The following SSBP2 variants were observed in gnomAD, a reference collection of about 807,000 sequenced individuals.
The protein encoded by SSBP2 is single-stranded DNA-binding protein 2.
Under a neutral mutation model 61.8 loss-of-function variants are expected in SSBP2, and 17 were observed. The ratio of observed to expected loss-of-function variants is 0.28; its 90% CI spans 0.19 to 0.41. The LOEUF (loss-of-function observed/expected upper bound fraction) is 0.41, where lower values mean the gene tolerates loss of function less well. Ranked by LOEUF, SSBP2 falls within the 10% of genes least tolerant of loss-of-function variation. SSBP2 has a pLI of 1.00. For synonymous variants in SSBP2, 139 were observed against 141.3 expected, an observed-to-expected ratio of 0.98 and a Z score of 0.12; for missense variants, 310 against 458.7, an observed-to-expected ratio of 0.68 and a Z score of 2.96.
intron 1 of SSBP2, among the ~76,000 whole-genome samples, chr5:81,720,939 G>T (rs751745529): frequency 1.3e-5 from 2 of 152,058 alleles, no homozygotes; most frequent in Non-Finnish European, 2.9e-5. Context: ...ATAACCTGGG[G>T]TTTTCTTTTT....
intron 4 of SSBP2, among the ~76,000 whole-genome samples, chr5:81,593,820 C>T (rs1421082836): frequency 1.3e-5 from 2 of 152,100 alleles, no homozygotes; most frequent in Non-Finnish European, 2.9e-5. Flanking sequence ...CAGGCCTGCC[C>T]TAAAGGAACT....
intron 8 of SSBP2, among the ~76,000 whole-genome samples, chr5:81,468,716 CCA>C (rs985680763): frequency 1.3e-5 from 2 of 151,950 alleles, no homozygotes; most frequent in African/African-American, 2.4e-5. Context: ...TCTGTTGACT[CCA>C]GAGTGTAAGC....
chr5:81,443,841 C>T (rs1055176050), intron 12 of SSBP2, among the ~76,000 whole-genome samples: 8 of 152,114 alleles, frequency 5.3e-5, no homozygotes, highest in Non-Finnish European at 7.4e-5. Flanking sequence ...GGATTACAGG[C>T]GTGAGCCACC....
intron 1 of SSBP2, among the ~76,000 whole-genome samples, chr5:81,663,731 T>C (rs572796915): frequency 2.0e-5 from 3 of 152,186 alleles, no homozygotes; most frequent in Non-Finnish European, 4.4e-5. Context: ...GGTCTGTCTA[T>C]TACCTATTAA....
chr5:81,551,919 A>G (rs538170627), intron 4 of SSBP2, among the ~76,000 whole-genome samples: 90 of 152,284 alleles, frequency 5.9e-4, no homozygotes, highest in African/African-American at 2.1e-3. Context: ...CTTATTGTAC[A>G]TTTCTTAGGA....
At chr5:81,737,701 T>C (rs1023372008) in intron 1 of SSBP2, among the ~76,000 whole-genome samples, 2 of 146,864 alleles carry the variant, frequency 1.4e-5, no homozygotes, top group South Asian at 2.2e-4. Flanking sequence ...GGCAGGAGAA[T>C]GGCATGAACC....
intron 3 of SSBP2, among the ~76,000 whole-genome samples, chr5:81,631,977 G>A (rs1747769499): frequency 6.6e-6 from 1 of 152,048 alleles, no homozygotes; most frequent in Non-Finnish European, 1.5e-5. Flanking sequence ...CACACACCAT[G>A]ATCATACTGT....
intron 8 of SSBP2, among the ~76,000 whole-genome samples, chr5:81,472,065 T>G (rs1238776537): frequency 6.6e-6 from 1 of 152,136 alleles, no homozygotes; most frequent in African/African-American, 2.4e-5. Flanking sequence ...TTTTAAAAAG[T>G]AGATATACAA....
At chr5:81,465,705 A>T (rs1030983718) in intron 9 of SSBP2, among the ~76,000 whole-genome samples, 1 of 152,056 alleles carries the variant, frequency 6.6e-6, no homozygotes, top group South Asian at 2.1e-4. Context: ...TTTTATATAC[A>T]TCTCCATCCT....
chr5:81,560,802 T>C (rs1444574078), intron 4 of SSBP2, among the ~76,000 whole-genome samples: 2 of 152,198 alleles, frequency 1.3e-5, no homozygotes, highest in African/African-American at 4.8e-5. Context: ...AAATTGTATA[T>C]ATTTAAGGTA....
chr5:81,579,208 C>T (rs1311556304), intron 4 of SSBP2, among the ~76,000 whole-genome samples: 2 of 151,874 alleles, frequency 1.3e-5, no homozygotes, highest in African/African-American at 4.8e-5. Context: ...AATTATGAAA[C>T]CCACATGGAG....
intron 9 of SSBP2, among the ~76,000 whole-genome samples, chr5:81,461,984 CT>C (rs1764575946): frequency 6.6e-6 from 1 of 152,100 alleles, no homozygotes; most frequent in Non-Finnish European, 1.5e-5. Flanking sequence ...TAAAATTCCC[CT>C]TCATTTGAAT....
At chr5:81,646,444 G>C (rs1172810619) in intron 2 of SSBP2, among the ~76,000 whole-genome samples, 2 of 151,888 alleles carry the variant, frequency 1.3e-5, no homozygotes, top group Non-Finnish European at 2.9e-5. Flanking sequence ...AAAAACCTGG[G>C]GGTAGACTAG....
chr5:81,469,178 C>T (rs1042554149), intron 8 of SSBP2, among the ~76,000 whole-genome samples: 2 of 151,864 alleles, frequency 1.3e-5, no homozygotes, highest in African/African-American at 4.8e-5. Context: ...TGCCCCATTG[C>T]CTCTGCATCT....
At chr5:81,555,908 T>A (rs1226185614) in intron 4 of SSBP2, among the ~76,000 whole-genome samples, 3 of 152,084 alleles carry the variant, frequency 2.0e-5, no homozygotes, top group Admixed American at 1.3e-4. Context: ...AGAAAAGAGA[T>A]CAGCAAACTT....
chr5:81,706,638 A>G (rs1477341686), intron 1 of SSBP2, among the ~76,000 whole-genome samples: 1 of 152,198 alleles, frequency 6.6e-6, no homozygotes, highest in Non-Finnish European at 1.5e-5. Context: ...AGTATGATAC[A>G]AAAAGGAAAA....
At position 81,544,325 on chromosome 5, in the gene SSBP2, A is replaced by G. The variant is rs527976769; in HGVS notation, c.283-30608T>C. The stretch of plus-strand genomic sequence containing the variant: ...GCCACCCAAGGTGCTTGGATTACAG[A>G]CCTAAGCCACTGCGCCTGGCCCACC... On this transcript the variant is annotated intron_variant, in intron 4 of 16. Transcript: ENST00000320672. 9.2e-5 allele frequency among the ~76,000 whole-genome samples: 14 copies of G among 152,122 alleles called. No homozygotes were observed. In the South Asian group the frequency reaches 2.7e-3, roughly 29 times the overall value.
chr5:81,529,534 A>G (rs1770234521), intron 4 of SSBP2, among the ~76,000 whole-genome samples: 1 of 152,144 alleles, frequency 6.6e-6, no homozygotes, highest in Non-Finnish European at 1.5e-5. Flanking sequence ...TACTAAAGGC[A>G]TAGATAGGTC....
chr5:81,587,822 C>T (rs1049449336), intron 4 of SSBP2, among the ~76,000 whole-genome samples: 5 of 151,436 alleles, frequency 3.3e-5, no homozygotes, highest in Non-Finnish European at 7.4e-5. Flanking sequence ...TGTAAGATAG[C>T]GAAAGGGTAT....
Sources: allele counts gnomAD v4.1 joint callset (sites outside exome capture counted in the v4.1 genomes callset), GRCh38; gene constraint gnomAD v4.1.1; transcripts MANE v1.5; gene names NCBI Gene and HGNC (gene_info 2026-07-23, HGNC 2026-07-21).